Variants in ATP6V1A observed in about 807,000 individuals in gnomAD.
ATP6V1A encodes V-type proton ATPase catalytic subunit A.
Under a neutral mutation model 70.1 loss-of-function variants are expected in ATP6V1A, and 18 were observed. That is an observed-to-expected ratio of 0.26 (90% confidence interval 0.18 to 0.38). The LOEUF is 0.38. Among genes scored for constraint, ATP6V1A ranks in the 10% least tolerant of loss-of-function variants. The pLI is 1.00. For missense variants in ATP6V1A, 424 were observed against 772.4 expected, an observed-to-expected ratio of 0.55 and a Z score of 5.35; for synonymous variants, 232 against 253.8, an observed-to-expected ratio of 0.91 and a Z score of 0.82.
At chr3:113,797,847 G>A (rs1709169945) in intron 11 of ATP6V1A, among the ~76,000 whole-genome samples, 1 of 152,028 alleles carries the variant, frequency 6.6e-6, no homozygotes, top group South Asian at 2.1e-4. Flanking sequence ...TTGTAGAATT[G>A]CATATTTAGG....
At chr3:113,808,653 T>A (rs1709306414) in intron 14 of ATP6V1A, among the ~76,000 whole-genome samples, 1 of 152,152 alleles carries the variant, frequency 6.6e-6, no homozygotes, top group Non-Finnish European at 1.5e-5. Context: ...CATCCCAGTG[T>A]GATAATACCA....
At chr3:113,796,032 G>A (rs1709150346) in intron 11 of ATP6V1A, 93 bp downstream of exon 11, 1 of 1,142,490 alleles carries the variant, frequency 8.8e-7, no homozygotes, top group African/African-American at 1.6e-5. Flanking sequence ...TCGTTGTGAA[G>A]TATTTAATTT....
chr3:113,811,217 ATAT>A lies in ATP6V1A; in HGVS notation c.*1798_*1800del, dbSNP rs1709338252. The A allele has an allele frequency of 6.6e-6, 1 of 152,200 alleles. No homozygotes were observed. The highest frequency in any genetic ancestry group is 2.1e-4 in the South Asian group (1 of 4,832). The allele number at this position is 152,200 out of a possible 1,614,324, so 9.4% of individuals were successfully genotyped here. ...TAAAGTATTTATTTTATGCCTCAGT[ATAT>A]TATTATTTAATTTTTTAGGTAATGC... On this transcript the variant is annotated 3_prime_UTR_variant, in exon 15 of 15. Transcript: ENST00000273398.
At chr3:113,754,978 G>T (rs1041982460) in intron 1 of ATP6V1A, among the ~76,000 whole-genome samples, 1 of 152,008 alleles carries the variant, frequency 6.6e-6, no homozygotes, top group Non-Finnish European at 1.5e-5. Context: ...TCTCACATTG[G>T]TATTACTTCC....
chr3:113,783,321 A>G (rs976068710), intron 3 of ATP6V1A, among the ~76,000 whole-genome samples: 6 of 152,320 alleles, frequency 3.9e-5, no homozygotes, highest in Admixed American at 2.0e-4. Context: ...AATTTTGATA[A>G]ATATTGCTAA....
At chr3:113,747,745 G>A (rs908252145) in intron 1 of ATP6V1A, among the ~76,000 whole-genome samples, 3 of 152,190 alleles carry the variant, frequency 2.0e-5, no homozygotes, top group Non-Finnish European at 2.9e-5. Flanking sequence ...TCTCTGCAGA[G>A]AGGACAGTTG....
At chr3:113,801,795 A>G (rs148893471) in intron 12 of ATP6V1A, among the ~76,000 whole-genome samples, 2 of 152,186 alleles carry the variant, frequency 1.3e-5, no homozygotes, top group South Asian at 4.1e-4. Flanking sequence ...AGTTTTACAT[A>G]ATTAAAGACA....
At chr3:113,772,657 G>A (rs1454341658) in intron 1 of ATP6V1A, among the ~76,000 whole-genome samples, 1 of 151,432 alleles carries the variant, frequency 6.6e-6, no homozygotes, top group Non-Finnish European at 1.5e-5. Context: ...GAACCTGGGA[G>A]GCGGAGCTTG....
chr3:113,752,793 C>G (rs183990934), intron 1 of ATP6V1A, among the ~76,000 whole-genome samples: 17 of 152,116 alleles, frequency 1.1e-4, no homozygotes, highest in Non-Finnish European at 2.5e-4. Context: ...ATACAACTTG[C>G]TCATCTAGAA....
rs762901487 is a variant in ATP6V1A at position 113,772,933 on chromosome 3, C to CTTTTTTTTT, written c.-13-5794_-13-5786dup. 2.1e-3 allele frequency among the ~76,000 whole-genome samples: 186 copies of CTTTTTTTTT among 90,460 alleles called. 11 individuals carry two copies. The highest frequency in any genetic ancestry group is 3.0e-3 in the South Asian group (8 of 2,624). The allele number at this position is 90,460 out of a possible 152,430, so 59.3% of individuals were successfully genotyped here. ...CATTTTTTTCTCCACTTAATATTGG[C>CTTTTTTTTT]TTTTTTTTTTTTTTTTTTTTTTGAG... On this transcript the variant is annotated intron_variant, in intron 1 of 14. Transcript: ENST00000273398.
chr3:113,808,686 GATTAA>G (rs1180455704), intron 14 of ATP6V1A, among the ~76,000 whole-genome samples: 1 of 152,034 alleles, frequency 6.6e-6, no homozygotes, highest in Non-Finnish European at 1.5e-5. Context: ...ATTCTGTTTT[GATTAA>G]ATTAATTCCT....
At chr3:113,788,294 T>A (rs1709057661) in intron 6 of ATP6V1A, among the ~76,000 whole-genome samples, 1 of 152,010 alleles carries the variant, frequency 6.6e-6, no homozygotes. Context: ...TTCTTTAACT[T>A]GTGTTTTTGT....
At chr3:113,764,439 C>T (rs777337396) in intron 1 of ATP6V1A, among the ~76,000 whole-genome samples, 1 of 151,884 alleles carries the variant, frequency 6.6e-6, no homozygotes, top group Non-Finnish European at 1.5e-5. Context: ...GTATTGATTA[C>T]AATTATGTAA....
rs773106039 is a variant in ATP6V1A at position 113,781,044 on chromosome 3, C to A, written c.83-6C>A. 4 of 1,597,878 alleles carry A rather than the reference C, an allele frequency of 2.5e-6. No homozygotes were observed. In the Admixed American group the frequency reaches 7.2e-5, roughly 29 times the overall value. The stretch of plus-strand genomic sequence containing the variant: ...AGTCATCAAAATAGTCTTTTGTTCT[C>A]TTCAGTGGTTACAGCCTGTGACATG... On this transcript the variant is annotated splice_region_variant and splice_polypyrimidine_tract_variant and intron_variant, in intron 2 of 14. Transcript: ENST00000273398.
At chr3:113,788,490 T>A (rs1046189829) in intron 6 of ATP6V1A, among the ~76,000 whole-genome samples, 3 of 151,220 alleles carry the variant, frequency 2.0e-5, no homozygotes, top group African/African-American at 7.3e-5. Context: ...ACCCACCACA[T>A]GCCCGGCTAA....
At chr3:113,767,130 C>T (rs1266724716) in intron 1 of ATP6V1A, among the ~76,000 whole-genome samples, 154 of 136,194 alleles carry the variant, frequency 1.1e-3, no homozygotes, top group African/African-American at 4.2e-3. Context: ...CTTGCTCTGG[C>T]GCCCAGACTA....
chr3:113,750,986 A>C (rs557228348), intron 1 of ATP6V1A, among the ~76,000 whole-genome samples: 2 of 152,162 alleles, frequency 1.3e-5, no homozygotes, highest in Non-Finnish European at 2.9e-5. Context: ...TTATTTGGGC[A>C]ACTGCAGTGT....
intron 1 of ATP6V1A, among the ~76,000 whole-genome samples, chr3:113,756,312 T>C (rs1708646484): frequency 6.6e-6 from 1 of 152,254 alleles, no homozygotes; most frequent in Non-Finnish European, 1.5e-5. Context: ...GAAACAGTGC[T>C]ATAGTTAATA....
At chr3:113,800,685 C>T (rs1025795882) in intron 12 of ATP6V1A, among the ~76,000 whole-genome samples, 3 of 152,152 alleles carry the variant, frequency 2.0e-5, no homozygotes, top group African/African-American at 7.2e-5. Flanking sequence ...AAGAAAATAT[C>T]TTTGTGATCT....
Sources: gnomAD v4.1 joint callset for allele counts (sites outside exome capture counted in the v4.1 genomes callset) on GRCh38, gnomAD v4.1.1 for gene constraint, MANE v1.5 for transcripts, NCBI Gene and HGNC (gene_info 2026-07-23, HGNC 2026-07-21) for gene names.